The following INTS10 variants were observed in gnomAD, a reference collection of about 807,000 sequenced individuals.
The protein encoded by INTS10 is integrator complex subunit 10.
INTS10 carries 44 observed loss-of-function variants against 94.4 expected under a neutral mutation model. That is an observed-to-expected ratio of 0.47 (90% CI 0.37 to 0.60). INTS10 has a LOEUF of 0.60. INTS10 is among the 20% of genes least tolerant of loss of function. The probability of loss-of-function intolerance (pLI) is 0.00; values close to 1 mark genes in which losing one functional copy is unlikely to be tolerated. For missense variants in INTS10, 797 were observed against 868.7 expected (o/e 0.92, Z 1.04); for synonymous variants, 341 against 320.7 (o/e 1.06, Z -0.68).
chr8:19,832,008 G>C lies in INTS10; in HGVS notation c.1295-20G>C, dbSNP rs748603266. The C allele has an allele frequency of 6.8e-7, 1 of 1,466,110 alleles. No individual in the cohort carries two copies. Among genetic ancestry groups the C allele is most frequent in the South Asian group, 1.1e-5 (1 of 88,096 alleles). 90.8% of individuals were successfully genotyped at this position (1,466,110 alleles called of 1,614,324 possible). The stretch of plus-strand genomic sequence containing the variant: ...TTTGCTGCATATATTTGGTAAATTT[G>C]TTCTTGAATTCTTACTCAGAATTTA... On this transcript the variant is annotated intron_variant, in intron 10 of 16. Coordinates refer to ENST00000397977, the MANE Select transcript of INTS10 (RefSeq NM_018142.4).
At chr8:19,840,941 C>A (rs1050002481) in intron 13 of INTS10, among the ~76,000 whole-genome samples, 4 of 152,122 alleles carry the variant, frequency 2.6e-5, no homozygotes, top group African/African-American at 9.7e-5. Context: ...AGTTAGTTTC[C>A]AGAGTGGCTG....
Position 19,829,047 on chromosome 8 carries a change from C to T in INTS10, c.1141-1359C>T, listed in dbSNP as rs540275527. 1.1e-3 allele frequency among the ~76,000 whole-genome samples: 168 copies of T among 152,212 alleles called. 2 individuals are homozygous for T. The South Asian group carries it at 0.031, about 28-fold the overall frequency. On this transcript the variant is annotated intron_variant, in intron 9 of 16. Transcript: ENST00000397977. ...GGAGGGAGGTGCTGACAGCTTCCTG[C>T]GCACCTTACCTGAGATGAGCTTGAG... is the stretch of plus-strand genomic sequence containing the variant.
At chr8:19,832,209 G>A (rs941202752) in intron 11 of INTS10, 99 bp downstream of exon 11, 3 of 725,374 alleles carry the variant, frequency 4.1e-6, no homozygotes, top group Non-Finnish European at 7.6e-6. Context: ...TCCCTCTTGG[G>A]CTAGTCCACT....
rs370350194 is a variant in INTS10 at position 19,822,447 on chromosome 8, T to C, written c.450T>C (p.Leu150=). ...PETVVQHGVG[L]GEALLEAETI... The stretch of plus-strand genomic sequence containing the variant: ...ATTTTGTTTTGAAATAGGTTGGCCT[T>C]GGGGAGGCACTATTAGAGGCTGAAA... The change falls in exon 5 of 17, where the codon CTT becomes CTC. Residue 150 remains leucine (L), a synonymous_variant. Transcript: ENST00000397977. 1 of 1,606,728 alleles carries C rather than the reference T, an allele frequency of 6.2e-7. No homozygotes were observed. Among genetic ancestry groups the C allele is most frequent in the East Asian group, 2.2e-5 (1 of 44,818 alleles).
intron 9 of INTS10, among the ~76,000 whole-genome samples, chr8:19,829,921 G>A (rs1174413679): frequency 6.6e-6 from 1 of 152,128 alleles, no homozygotes; most frequent in East Asian, 1.9e-4. Flanking sequence ...GTCCTCCTCG[G>A]CCTCCCGAAG....
In INTS10 at chr8:19,817,443, T is replaced by TGGCGGCGGC. The variant is rs71205947; in HGVS notation, c.-86_-78dup. ...ACATGCGCAGTAGCCTCCCCCGCGG[T>TGGCGGCGGC]GGCGGCGGCGGCGGCGGTGGCTGCC... On this transcript the variant is annotated 5_prime_UTR_variant, in exon 1 of 17. Coordinates refer to ENST00000397977, the MANE Select transcript of INTS10 (RefSeq NM_018142.4). The TGGCGGCGGC allele has an allele frequency of 2.0e-4, 297 of 1,483,248 alleles. No homozygotes were observed. Among genetic ancestry groups the TGGCGGCGGC allele is most frequent in the Non-Finnish European group, 2.5e-4 (281 of 1,108,284 alleles). 91.9% of individuals were successfully genotyped at this position (1,483,248 alleles called of 1,614,324 possible).
chr8:19,818,421 T>A, intron 2 of INTS10, 79 bp downstream of exon 2: 2 of 1,415,284 alleles, frequency 1.4e-6, no homozygotes. Flanking sequence ...GAAGTGGGAG[T>A]TGGGGGAAGA....
chr8:19,823,846 G>A (rs761475559), intron 6 of INTS10, 27 bp from the exon 7 acceptor site: 1 of 1,553,988 alleles, frequency 6.4e-7, no homozygotes, highest in Non-Finnish European at 8.7e-7. Flanking sequence ...AATGTTAATT[G>A]TAGGCTACTT....
Position 19,817,443 on chromosome 8 carries a change from T to TGGCGGTGGCGGC in INTS10, c.-90_-89insTGGCGGCGGCGG. 6.7e-7 allele frequency: 1 copy of TGGCGGTGGCGGC among 1,483,338 alleles called. No homozygotes were observed. Among genetic ancestry groups the TGGCGGTGGCGGC allele is most frequent in the Admixed American group, 2.1e-5 (1 of 47,552 alleles). The allele number at this position is 1,483,338 out of a possible 1,614,324, so 91.9% of individuals were successfully genotyped here. On this transcript the variant is annotated 5_prime_UTR_variant, in exon 1 of 17. Coordinates refer to ENST00000397977, the MANE Select transcript of INTS10 (RefSeq NM_018142.4). Reference sequence around the variant, plus strand: ...ACATGCGCAGTAGCCTCCCCCGCGGTGGCGGCGGCGGCGGCGGTGGCTGCC... The same window carrying TGGCGGTGGCGGC: ...ACATGCGCAGTAGCCTCCCCCGCGGTGGCGGTGGCGGCGGCGGCGGCGGCGGCGGTGGCTGCC...
At chr8:19,822,862 G>A (rs1436626757) in intron 5 of INTS10, among the ~76,000 whole-genome samples, 2 of 151,776 alleles carry the variant, frequency 1.3e-5, no homozygotes, top group Non-Finnish European at 2.9e-5. Flanking sequence ...AGGCAGGAGA[G>A]TCGCTTGAAA....
In INTS10 at chr8:19,817,456, G is replaced by GGCGGTGGCTGCC; in HGVS notation, c.-80_-69dup. On this transcript the variant is annotated 5_prime_UTR_variant, in exon 1 of 17. Transcript: ENST00000397977. ...CCTCCCCCGCGGTGGCGGCGGCGGC[G>GGCGGTGGCTGCC]GCGGTGGCTGCCGTGGCGGCTGAGA... 1 of 1,530,268 alleles carries GGCGGTGGCTGCC rather than the reference G, an allele frequency of 6.5e-7. No individual in the cohort carries two copies. The highest frequency in any genetic ancestry group is 2.0e-5 in the Admixed American group (1 of 49,142). The allele number at this position is 1,530,268 out of a possible 1,614,324, so 94.8% of individuals were successfully genotyped here.
At chr8:19,847,874 TGAGG>T (rs1377383151) in intron 16 of INTS10, among the ~76,000 whole-genome samples, 2 of 152,166 alleles carry the variant, frequency 1.3e-5, no homozygotes, top group Non-Finnish European at 2.9e-5. Context: ...TTCTAACTAG[TGAGG>T]GAGAACTCCA....
chr8:19,818,122 T>C (rs1231729070), intron 1 of INTS10, 153 bp from the exon 2 acceptor site: 1 of 743,504 alleles, frequency 1.3e-6, no homozygotes, highest in East Asian at 2.5e-5. Flanking sequence ...CTAAGCCCAA[T>C]GGCAAGTCTG....
intron 5 of INTS10, 139 bp from the exon 6 acceptor site, chr8:19,823,162 G>C: frequency 1.6e-6 from 1 of 640,184 alleles, no homozygotes; most frequent in Non-Finnish European, 2.7e-6. Flanking sequence ...AGCACATTTT[G>C]AATACATGAG....
At position 19,851,589 on chromosome 8, in the gene INTS10, C is replaced by T. The variant is rs1000281593; in HGVS notation, c.1977-60C>T. ...GGCTTTATTCCTACCCAAGTAGCAG[C>T]GATCAGCGATGCTGGTGCTAACCCC... is the stretch of plus-strand genomic sequence containing the variant. On this transcript the variant is annotated intron_variant, in intron 16 of 16. Transcript: ENST00000397977. This position sits in a 1 kb window ranked among gnomAD's most constrained non-coding sequence, Gnocchi z 5.0. 26 of 1,499,930 alleles carry T rather than the reference C, an allele frequency of 1.7e-5. No homozygotes were observed. Among genetic ancestry groups the T allele is most frequent in the East Asian group, 6.8e-5 (3 of 44,100 alleles). The allele number at this position is 1,499,930 out of a possible 1,614,324, so 92.9% of individuals were successfully genotyped here.
At chr8:19,818,208 G>C (rs764845411) in intron 1 of INTS10, 67 bp from the exon 2 acceptor site, 2 of 1,504,082 alleles carry the variant, frequency 1.3e-6, no homozygotes, top group South Asian at 1.1e-5. Context: ...GCCAACGAGC[G>C]ATGCTGGATG....
chr8:19,844,983 A>G (rs1360071982), intron 15 of INTS10, among the ~76,000 whole-genome samples: 1 of 151,914 alleles, frequency 6.6e-6, no homozygotes, highest in Non-Finnish European at 1.5e-5. Flanking sequence ...CTGCAGTCTT[A>G]AACTCCTGGG....
intron 1 of INTS10, 162 bp from the exon 2 acceptor site, chr8:19,818,113 T>G: frequency 2.8e-6 from 2 of 713,346 alleles, no homozygotes; most frequent in South Asian, 1.6e-5. Context: ...GGTCACACTC[T>G]AAGCCCAATG....
At chr8:19,841,341 A>G (rs1269105582) in intron 13 of INTS10, among the ~76,000 whole-genome samples, 2 of 152,202 alleles carry the variant, frequency 1.3e-5, no homozygotes, top group Admixed American at 6.5e-5. Context: ...AAATTAAAAT[A>G]CCAACAAAGG....
Sources: allele counts gnomAD v4.1 joint callset (sites outside exome capture counted in the v4.1 genomes callset), GRCh38; gene constraint gnomAD v4.1.1; non-coding constraint Gnocchi (gnomAD v3.1); transcripts MANE v1.5; gene names NCBI Gene and HGNC (gene_info 2026-07-23, HGNC 2026-07-21).